PSMD14: variants seen among roughly 807,000 people sequenced by gnomAD.
PSMD14 encodes the protein ubiquitin C-terminal hydrolase PSMD14.
Under a neutral mutation model 41.2 loss-of-function variants are expected in PSMD14, and 7 were observed. That is an observed-to-expected ratio of 0.17 (90% confidence interval 0.10 to 0.32). The LOEUF is 0.32. Ranked by LOEUF, PSMD14 falls within the 10% of genes least tolerant of loss-of-function variation. The pLI is 1.00. For synonymous variants in PSMD14, 114 were observed against 122.3 expected, an observed-to-expected ratio of 0.93 and a Z score of 0.45; for missense variants, 139 against 375.6, an observed-to-expected ratio of 0.37 and a Z score of 5.21.
At chr2:161,383,956 CTTGTT>C (rs1683601319) in intron 7 of PSMD14, 1 of 151,200 alleles carries the variant, frequency 6.6e-6, no homozygotes, top group Non-Finnish European at 1.5e-5. Flanking sequence ...TCTGATAGTA[CTTGTT>C]TTTATTGCTT....
chr2:161,392,276 T>C (rs1164261779), intron 9 of PSMD14, among the ~76,000 whole-genome samples: 4 of 152,218 alleles, frequency 2.6e-5, no homozygotes, highest in Non-Finnish European at 5.9e-5. Flanking sequence ...CTGAGTTTAC[T>C]GTTGATTGAT....
chr2:161,367,500 C>G lies in PSMD14; in HGVS notation c.71C>G (p.Ala24Gly). ...TAGGGGCCACCTACAGATGCTCCTG[C>G]AGTGGACACAGCAGAACAAGTCTAT... ...LGQGPPTDAP[A>G]VDTAEQVYIS... Residue 24 changes from alanine to glycine, a missense_variant, in exon 4 of 12, where the codon GCA (alanine) becomes GGA (glycine). Physicochemically the swap from Ala to Gly is moderately conservative, Grantham distance 60. Transcript: ENST00000409682. The G allele has an allele frequency of 6.3e-7, 1 of 1,599,958 alleles. No homozygotes were observed. The highest frequency in any genetic ancestry group is 8.5e-7 in the Non-Finnish European group (1 of 1,172,404).
intron 3 of PSMD14, among the ~76,000 whole-genome samples, chr2:161,343,462 T>C (rs539135387): frequency 6.6e-6 from 1 of 152,390 alleles, no homozygotes; most frequent in African/African-American, 2.4e-5. Context: ...CATTCATCTA[T>C]TGATGAGCAG....
chr2:161,344,691 G>A (rs1307403318), intron 3 of PSMD14, among the ~76,000 whole-genome samples: 1 of 152,036 alleles, frequency 6.6e-6, no homozygotes, highest in Non-Finnish European at 1.5e-5. Flanking sequence ...CCTCCTGCTG[G>A]AAGGATAAAA....
At chr2:161,330,548 C>A (rs1376389323) in intron 3 of PSMD14, among the ~76,000 whole-genome samples, 1 of 152,164 alleles carries the variant, frequency 6.6e-6, no homozygotes, top group Non-Finnish European at 1.5e-5. Context: ...TTCATGTTAT[C>A]ATTTGGGAAG....
intron 11 of PSMD14, 105 bp from the exon 12 acceptor site, chr2:161,411,197 G>T (rs998756776): frequency 1.2e-5 from 7 of 588,624 alleles, no homozygotes; most frequent in South Asian, 2.8e-5. Flanking sequence ...TTTAAGTAAG[G>T]TCTGGCTTTC....
chr2:161,360,788 G>A (rs965236626), intron 3 of PSMD14, among the ~76,000 whole-genome samples: 2 of 151,676 alleles, frequency 1.3e-5, no homozygotes, highest in African/African-American at 4.8e-5. Context: ...CGCCTGCCTT[G>A]GCCTCCCAAA....
rs1309583527 is a variant in PSMD14 at position 161,316,585 on chromosome 2, G to A, written c.-5+16G>A. 1 of 152,156 alleles carries A rather than the reference G, an allele frequency of 6.6e-6. No individual in the cohort carries two copies. Among genetic ancestry groups the A allele is most frequent in the African/African-American group, 2.4e-5 (1 of 41,442 alleles). 9.4% of individuals were successfully genotyped at this position (152,156 alleles called of 1,614,324 possible). A position where few individuals can be genotyped will look rare whatever the true frequency, so the allele number is the denominator to read the frequency against. Reference sequence around the variant, plus strand: ...TACTGACCAGGTAAGGTTTAAAAATGTATTTTACTTTTAATTATTATTTTA... The same window carrying A: ...TACTGACCAGGTAAGGTTTAAAAATATATTTTACTTTTAATTATTATTTTA... On this transcript the variant is annotated intron_variant, in intron 2 of 11. Coordinates refer to ENST00000409682, the MANE Select transcript of PSMD14 (RefSeq NM_005805.6).
intron 8 of PSMD14, among the ~76,000 whole-genome samples, chr2:161,386,777 A>G (rs1683641304): frequency 6.6e-6 from 1 of 151,940 alleles, no homozygotes; most frequent in African/African-American, 2.4e-5. Flanking sequence ...GCATCTCACA[A>G]GCCAAGATCA....
At chr2:161,309,821 T>G (rs1357402925) in intron 1 of PSMD14, among the ~76,000 whole-genome samples, 1 of 150,342 alleles carries the variant, frequency 6.7e-6, no homozygotes, top group Non-Finnish European at 1.5e-5. Flanking sequence ...TGGTTTTTTG[T>G]TTTTTTTTCA....
intron 7 of PSMD14, chr2:161,382,586 T>TA (rs1481586842): frequency 6.6e-6 from 1 of 151,760 alleles, no homozygotes; most frequent in Admixed American, 6.6e-5. Context: ...CAGAAAAAAT[T>TA]AAATGGTCAG....
Position 161,371,292 on chromosome 2 carries a change from T to G in PSMD14, c.432T>G (p.Val144=). Reference sequence around the variant, plus strand: ...TGTCGGAGAGAGCTGTGGCAGTGGTTGTGGATCCCATTCAGAGTGTAAAAG... The same window carrying G: ...TGTCGGAGAGAGCTGTGGCAGTGGTGGTGGATCCCATTCAGAGTGTAAAAG... ...EALSERAVAV[V]VDPIQSVKGK... is the part of the protein sequence containing the mutation. The change falls in exon 7 of 12, where the codon GTT becomes GTG. Residue 144 remains valine, a synonymous_variant. Transcript: ENST00000409682. 6.2e-7 allele frequency: 1 copy of G among 1,611,342 alleles called. No homozygotes were observed. The highest frequency in any genetic ancestry group is 2.2e-5 in the East Asian group (1 of 44,776).
intron 6 of PSMD14, 119 bp from the exon 7 acceptor site, chr2:161,371,053 C>T: frequency 8.7e-7 from 1 of 1,155,422 alleles, no homozygotes; most frequent in Non-Finnish European, 1.2e-6. Context: ...GGTGCTTTTT[C>T]ACACCTGTGT....
intron 3 of PSMD14, among the ~76,000 whole-genome samples, chr2:161,344,823 ATC>A (rs1298331045): frequency 3.3e-5 from 5 of 152,184 alleles, no homozygotes; most frequent in African/African-American, 1.2e-4. Context: ...TTCAGATATT[ATC>A]TCTCAGTCTA....
At chr2:161,340,430 G>C (rs1214842641) in intron 3 of PSMD14, among the ~76,000 whole-genome samples, 10 of 152,182 alleles carry the variant, frequency 6.6e-5, no homozygotes, top group Admixed American at 6.5e-4. Flanking sequence ...GGGCAAAAGA[G>C]GGGGGACTGG....
chr2:161,381,633 A>G (rs1327237459), intron 7 of PSMD14: 1 of 151,912 alleles, frequency 6.6e-6, no homozygotes, highest in Non-Finnish European at 1.5e-5. Flanking sequence ...TGAAAACACA[A>G]ATTTTAAAAT....
At chr2:161,402,911 G>A (rs4027152) in intron 10 of PSMD14, among the ~76,000 whole-genome samples, 102,399 of 151,986 alleles carry the variant, frequency 0.67, 34,750 homozygotes, top group Admixed American at 0.73. Flanking sequence ...AAAATAACAA[G>A]TGTTGCCAAG....
intron 3 of PSMD14, among the ~76,000 whole-genome samples, chr2:161,325,800 A>G (rs1682686520): frequency 6.6e-6 from 1 of 152,192 alleles, no homozygotes; most frequent in Non-Finnish European, 1.5e-5. Flanking sequence ...TGTTGCAGAG[A>G]TAATCAGGTA....
At chr2:161,325,264 T>C (rs994711186) in intron 3 of PSMD14, among the ~76,000 whole-genome samples, 2 of 152,140 alleles carry the variant, frequency 1.3e-5, no homozygotes, top group Non-Finnish European at 2.9e-5. Flanking sequence ...GCTTCCTGAA[T>C]GTGGTGAGAT....
Sources: allele counts gnomAD v4.1 joint callset (sites outside exome capture counted in the v4.1 genomes callset), GRCh38; gene constraint gnomAD v4.1.1; transcripts MANE v1.5; gene names NCBI Gene and HGNC (gene_info 2026-07-23, HGNC 2026-07-21).